SLC17A5: variants seen among roughly 807,000 people sequenced by gnomAD.
SLC17A5 encodes the protein sialin.
SLC17A5 carries 47 observed loss-of-function variants against 59.4 expected under a neutral mutation model. That is an observed-to-expected ratio of 0.79 (90% CI 0.63 to 1.01). SLC17A5 has a LOEUF of 1.01. Among genes scored for constraint, SLC17A5 ranks in the 50% least tolerant of loss-of-function variants. The probability of loss-of-function intolerance (pLI) is 0.00; values close to 1 mark genes in which losing one functional copy is unlikely to be tolerated. For synonymous variants in SLC17A5, 202 were observed against 210.7 expected, an observed-to-expected ratio of 0.96 and a Z score of 0.36; for missense variants, 522 against 595.5, an observed-to-expected ratio of 0.88 and a Z score of 1.28.
At position 73,611,975 on chromosome 6, in the gene SLC17A5, G is replaced by A. The variant is rs1767656631; in HGVS notation, c.1112-1428C>T. ...GCTTCCTGAGTAGCTGGGACTACAG[G>A]TGCACGCCACCATGTCTGATTTAAT... On this transcript the variant is annotated intron_variant, in intron 8 of 10. Coordinates refer to ENST00000355773, the MANE Select transcript of SLC17A5 (RefSeq NM_012434.5). Among the ~76,000 whole-genome samples the A allele has an allele frequency of 2.0e-5, 3 of 151,690 alleles. No homozygotes were observed. In the South Asian group the frequency reaches 6.2e-4, roughly 32 times the overall value.
intron 4 of SLC17A5, among the ~76,000 whole-genome samples, chr6:73,637,228 A>G (rs184139879): frequency 4.5e-4 from 68 of 152,352 alleles, no homozygotes; most frequent in African/African-American, 1.6e-3. Flanking sequence ...AAGGAAAAGC[A>G]GATAAAGCTG....
intron 8 of SLC17A5, among the ~76,000 whole-genome samples, chr6:73,613,833 TGGGGGCTGG>T (rs1767734444): frequency 6.6e-6 from 1 of 152,086 alleles, no homozygotes; most frequent in Non-Finnish European, 1.5e-5. Context: ...AAAATATGGC[TGGGGGCTGG>T]GTGTGGTGGC....
intron 1 of SLC17A5, among the ~76,000 whole-genome samples, chr6:73,649,000 A>ATTT (rs369753367): frequency 1.8e-4 from 26 of 145,214 alleles, no homozygotes; most frequent in Middle Eastern, 7.1e-3. Flanking sequence ...ATAATATATA[A>ATTT]TTTTTTTTTT....
chr6:73,616,883 A>G (rs1004690463), intron 7 of SLC17A5, among the ~76,000 whole-genome samples: 3 of 152,080 alleles, frequency 2.0e-5, no homozygotes, highest in African/African-American at 7.2e-5. Flanking sequence ...CTGGGATTAC[A>G]GGGATGAGCC....
At chr6:73,647,008 G>A (rs1282728328) in intron 1 of SLC17A5, among the ~76,000 whole-genome samples, 7 of 152,050 alleles carry the variant, frequency 4.6e-5, no homozygotes, top group Non-Finnish European at 8.8e-5. Flanking sequence ...CTCTGTGTCA[G>A]GTGATATTAC....
chr6:73,629,246 G>C (rs1768580084), intron 6 of SLC17A5, among the ~76,000 whole-genome samples: 2 of 152,098 alleles, frequency 1.3e-5, no homozygotes, highest in South Asian at 4.1e-4. Flanking sequence ...AAATTAGCCA[G>C]GCTTTGTGGT....
At chr6:73,628,203 G>A (rs1400488193) in intron 6 of SLC17A5, among the ~76,000 whole-genome samples, 3 of 152,132 alleles carry the variant, frequency 2.0e-5, no homozygotes, top group Admixed American at 6.6e-5. Context: ...ACAGGCATAA[G>A]TCACTGCACC....
intron 9 of SLC17A5, among the ~76,000 whole-genome samples, chr6:73,601,913 C>G (rs1486581748): frequency 6.6e-6 from 1 of 151,932 alleles, no homozygotes; most frequent in Admixed American, 6.5e-5. Flanking sequence ...CCCCTCTGCC[C>G]GGCCACCACC....
In SLC17A5 at chr6:73,653,950, G is replaced by A; in HGVS notation, c.-64C>T. On this transcript the variant is annotated 5_prime_UTR_variant, in exon 1 of 11. Coordinates refer to ENST00000355773, the MANE Select transcript of SLC17A5 (RefSeq NM_012434.5). ...GAAGGGAGCGCCGGCCCGACAGCCCGAAGCCCCCGGGCCGAGCTGGCTGGA... is the reference window on the plus strand; with the variant it reads ...GAAGGGAGCGCCGGCCCGACAGCCCAAAGCCCCCGGGCCGAGCTGGCTGGA... 7.0e-7 allele frequency: 1 copy of A among 1,425,554 alleles called. No individual in the cohort carries two copies. Among genetic ancestry groups the A allele is most frequent in the Non-Finnish European group, 9.6e-7 (1 of 1,037,132 alleles). 88.3% of individuals were successfully genotyped at this position (1,425,554 alleles called of 1,614,324 possible).
At chr6:73,596,700 T>TA (rs1766820513) in intron 10 of SLC17A5, among the ~76,000 whole-genome samples, 1 of 149,990 alleles carries the variant, frequency 6.7e-6, no homozygotes. Context: ...ACTAAAAAAA[T>TA]AAAAAATTAG....
At chr6:73,600,513 T>TG in intron 9 of SLC17A5, 72 bp from the exon 10 acceptor site, 1 of 1,089,062 alleles carries the variant, frequency 9.2e-7, no homozygotes, top group Non-Finnish European at 1.3e-6. Flanking sequence ...TCCTTCTTTT[T>TG]TTTTTTTTTT....
intron 9 of SLC17A5, among the ~76,000 whole-genome samples, chr6:73,605,096 T>C (rs1255691956): frequency 6.6e-6 from 1 of 152,160 alleles, no homozygotes; most frequent in Non-Finnish European, 1.5e-5. Context: ...CCTCCCACCT[T>C]GGCCTTCCGA....
intron 6 of SLC17A5, among the ~76,000 whole-genome samples, chr6:73,622,298 C>T (rs80285349): frequency 6.0e-5 from 7 of 116,728 alleles, no homozygotes; most frequent in East Asian, 5.9e-4. Flanking sequence ...TTCTTTCTTT[C>T]TTTTTTTTTT....
chr6:73,610,309 C>T, intron 9 of SLC17A5, 91 bp downstream of exon 9: 1 of 1,468,134 alleles, frequency 6.8e-7, no homozygotes, highest in Non-Finnish European at 9.4e-7. Flanking sequence ...GCTGGGATTA[C>T]AGGTGTGAGT....
chr6:73,616,130 C>T (rs1164599252), intron 7 of SLC17A5, among the ~76,000 whole-genome samples: 11 of 152,042 alleles, frequency 7.2e-5, no homozygotes, highest in Non-Finnish European at 7.4e-5. Context: ...GTGATCCACC[C>T]ACCTTGGCCT....
At chr6:73,602,017 G>C (rs1444828266) in intron 9 of SLC17A5, among the ~76,000 whole-genome samples, 1 of 152,088 alleles carries the variant, frequency 6.6e-6, no homozygotes, top group Non-Finnish European at 1.5e-5. Flanking sequence ...GTGGGGAAAA[G>C]ATTGAGAAAT....
chr6:73,599,644 T>C (rs1286422404), intron 10 of SLC17A5, among the ~76,000 whole-genome samples: 3 of 152,228 alleles, frequency 2.0e-5, no homozygotes, highest in Non-Finnish European at 4.4e-5. Flanking sequence ...TTCTACAACA[T>C]TCCTTTTTAT....
intron 6 of SLC17A5, among the ~76,000 whole-genome samples, chr6:73,624,630 CT>C (rs1768319137): frequency 1.3e-5 from 2 of 152,168 alleles, no homozygotes; most frequent in African/African-American, 4.8e-5. Flanking sequence ...AATCCCAGCA[CT>C]TTGGGAGGCC....
At chr6:73,600,183 G>A (rs367807531) in intron 10 of SLC17A5, among the ~76,000 whole-genome samples, 168 bp downstream of exon 10, 4 of 152,178 alleles carry the variant, frequency 2.6e-5, no homozygotes, top group African/African-American at 9.6e-5. Flanking sequence ...TCCAAAAACT[G>A]TTCTTTGAAA....
Sources: gnomAD v4.1 joint callset for allele counts (sites outside exome capture counted in the v4.1 genomes callset) on GRCh38, gnomAD v4.1.1 for gene constraint, MANE v1.5 for transcripts, NCBI Gene and HGNC (gene_info 2026-07-23, HGNC 2026-07-21) for gene names.